MBTD1: variants seen among roughly 807,000 people sequenced by gnomAD.
The protein encoded by MBTD1 is mbt domain containing 1.
Under a neutral mutation model 87.8 loss-of-function variants are expected in MBTD1, and 24 were observed. The observed-to-expected ratio is 0.27, with a 90% CI of 0.20 to 0.38. The LOEUF (loss-of-function observed/expected upper bound fraction) is 0.38. Among genes scored for constraint, MBTD1 ranks in the 10% least tolerant of loss-of-function variants. The pLI is 1.00. For missense variants in MBTD1, 436 were observed against 760.2 expected (o/e 0.57, Z 5.02); for synonymous variants, 237 against 248.6 (o/e 0.95, Z 0.44).
chr17:51,241,649 C>T (rs1251937239), intron 2 of MBTD1, among the ~76,000 whole-genome samples: 2 of 152,096 alleles, frequency 1.3e-5, no homozygotes, highest in Non-Finnish European at 2.9e-5. Context: ...CTGCAACCTC[C>T]ACCTCCCGGG....
chr17:51,227,813 G>A (rs956428632), intron 2 of MBTD1, among the ~76,000 whole-genome samples: 3 of 151,826 alleles, frequency 2.0e-5, no homozygotes, highest in African/African-American at 7.3e-5. Flanking sequence ...TTAGCCGAGC[G>A]TGGTGGTGCA....
At chr17:51,241,075 T>G (rs1195545557) in intron 2 of MBTD1, among the ~76,000 whole-genome samples, 1 of 151,542 alleles carries the variant, frequency 6.6e-6, no homozygotes, top group African/African-American at 2.4e-5. Context: ...ACCTCTAGGG[T>G]TCAAGCAATC....
At position 51,217,395 on chromosome 17, in the gene MBTD1, C is replaced by A; in HGVS notation, c.425G>T (p.Ser142Ile). The change falls in exon 6 of 17, where the codon AGC (serine) becomes ATC (isoleucine). Residue 142 changes from serine (S) to isoleucine (I), a missense_variant. By Grantham distance (142) the Ser-to-Ile change is moderately radical. This residue lies in a region of MBTD1 where 268 missense variants were observed against 401.8 expected (regional missense o/e 0.67). Transcript: ENST00000586178. ...ATTGCTATTGATGTAGTTACCCCAGCTGAAACCTTCCATGGAGACTGCTAA... is the reference window on the plus strand; with the variant it reads ...ATTGCTATTGATGTAGTTACCCCAGATGAAACCTTCCATGGAGACTGCTAA... Reference protein sequence around the residue: ...TKAAVSMEGFSWGNYINSNSF... With the variant: ...TKAAVSMEGFIWGNYINSNSF... The A allele has an allele frequency of 6.5e-7, 1 of 1,531,660 alleles. No homozygotes were observed. The highest frequency in any genetic ancestry group is 8.8e-7 in the Non-Finnish European group (1 of 1,136,858). The allele number at this position is 1,531,660 out of a possible 1,614,324, so 94.9% of individuals were successfully genotyped here.
chr17:51,210,449 A>G (rs966089586), intron 6 of MBTD1, among the ~76,000 whole-genome samples: 1 of 152,076 alleles, frequency 6.6e-6, no homozygotes, highest in Admixed American at 6.6e-5. Context: ...AAAGATAGGA[A>G]GCACTGGTTA....
rs1202317425 is a variant in MBTD1 at position 51,179,970 on chromosome 17, A to C, written c.*606T>G. 2.0e-5 allele frequency: 3 copies of C among 152,162 alleles called. No individual in the cohort carries two copies. Among genetic ancestry groups the C allele is most frequent in the Non-Finnish European group, 4.4e-5 (3 of 68,026 alleles). The allele number at this position is 152,162 out of a possible 1,614,324, so 9.4% of individuals were successfully genotyped here. A position where few individuals can be genotyped will look rare whatever the true frequency, so the allele number is the denominator to read the frequency against. On this transcript the variant is annotated 3_prime_UTR_variant, in exon 17 of 17. Coordinates refer to ENST00000586178, the MANE Select transcript of MBTD1 (RefSeq NM_017643.3). ...CCAGTTTCATACAGAACTCCAAATA[A>C]ATTTTCACAGAATGAAAAATATTTC... is the stretch of plus-strand genomic sequence containing the variant.
At chr17:51,260,843 G>A (rs1411083536), upstream of MBTD1, 4 of 1,600,046 alleles carry the variant, frequency 2.5e-6, no homozygotes, top group South Asian at 1.1e-5. Flanking sequence ...CAAACCGGCC[G>A]TGGAGCGGTG....
At position 51,179,524 on chromosome 17, in the gene MBTD1, A is replaced by ATTTATATT. The variant is rs1454139467; in HGVS notation, c.*1051_*1052insAATATAAA. Reference sequence around the variant, plus strand: ...TATATATATATATATATATATATATATATATATATATATGGAATTTTAAGA... The same window carrying ATTTATATT: ...TATATATATATATATATATATATATATTTATATTTATATATATATATGGAATTTTAAGA... On this transcript the variant is annotated 3_prime_UTR_variant, in exon 17 of 17. Coordinates refer to ENST00000586178, the MANE Select transcript of MBTD1 (RefSeq NM_017643.3). 1.9e-5 allele frequency: 2 copies of ATTTATATT among 107,990 alleles called. No homozygotes were observed. Among genetic ancestry groups the ATTTATATT allele is most frequent in the African/African-American group, 6.4e-5 (2 of 31,226 alleles). 6.7% of individuals were successfully genotyped at this position (107,990 alleles called of 1,614,324 possible).
chr17:51,179,504 A>ATATATATTTATATT lies in MBTD1; in HGVS notation c.*1071_*1072insAATATAAATATATA, dbSNP rs2050218132. On this transcript the variant is annotated 3_prime_UTR_variant, in exon 17 of 17. Transcript: ENST00000586178. The stretch of plus-strand genomic sequence containing the variant: ...CAATTTTATATATATATATATATAT[A>ATATATATTTATATT]TATATATATATATATATATATATAT... 1.2e-5 allele frequency: 1 copy of ATATATATTTATATT among 80,220 alleles called. No individual in the cohort carries two copies. The highest frequency in any genetic ancestry group is 4.9e-5 in the African/African-American group (1 of 20,496). 5.0% of individuals were successfully genotyped at this position (80,220 alleles called of 1,614,324 possible).
intron 16 of MBTD1, among the ~76,000 whole-genome samples, chr17:51,188,817 T>C (rs1241872191): frequency 6.9e-6 from 1 of 144,856 alleles, no homozygotes; most frequent in Non-Finnish European, 1.5e-5. Flanking sequence ...TGGAGTGCAA[T>C]GGCGCGATCT....
chr17:51,207,134 C>A (rs2051890189), intron 6 of MBTD1, 129 bp from the exon 7 acceptor site: 6 of 524,282 alleles, frequency 1.1e-5, no homozygotes, highest in Non-Finnish European at 1.7e-5. Context: ...CCGTTTGTTT[C>A]CTAGAATTCT....
At chr17:51,238,845 A>T (rs552172774) in intron 2 of MBTD1, among the ~76,000 whole-genome samples, 1 of 152,336 alleles carries the variant, frequency 6.6e-6, no homozygotes, top group South Asian at 2.1e-4. Context: ...CATGCCTGTA[A>T]TCCCAGAACT....
chr17:51,187,092 T>C (rs2050572426), intron 16 of MBTD1, among the ~76,000 whole-genome samples: 1 of 152,104 alleles, frequency 6.6e-6, no homozygotes, highest in African/African-American at 2.4e-5. Flanking sequence ...CAAAGCTTAT[T>C]GCCTGTAAAT....
rs191670532 is a variant in MBTD1 at position 51,191,846 on chromosome 17, G to A, written c.1768+357C>T. On this transcript the variant is annotated intron_variant, in intron 16 of 16. Coordinates refer to ENST00000586178, the MANE Select transcript of MBTD1 (RefSeq NM_017643.3). ...TCTGCCAGCCTCGGCCTCCTAAAGT[G>A]CTGGGATTACAGGCGTGAGCCACTG... 10 of 205,608 alleles carry A rather than the reference G, an allele frequency of 4.9e-5. No individual in the cohort carries two copies. In the East Asian group the frequency reaches 1.7e-3, roughly 34 times the overall value. The allele number at this position is 205,608 out of a possible 1,614,324, so 12.7% of individuals were successfully genotyped here. A position where few individuals can be genotyped will look rare whatever the true frequency, so the allele number is the denominator to read the frequency against.
intron 7 of MBTD1, among the ~76,000 whole-genome samples, chr17:51,204,444 A>G (rs914264076): frequency 1.4e-5 from 2 of 144,450 alleles, no homozygotes; most frequent in African/African-American, 2.5e-5. Context: ...TTTATGTATA[A>G]GCATATAAAC....
At chr17:51,193,157 A>ATTT (rs1263927465) in intron 14 of MBTD1, 141 bp from the exon 15 acceptor site, 2 of 661,364 alleles carry the variant, frequency 3.0e-6, no homozygotes, top group African/African-American at 1.8e-5. Flanking sequence ...TTCTTTAACT[A>ATTT]TTTAAACATA....
At chr17:51,239,137 AAAC>A (rs2054020646) in intron 2 of MBTD1, among the ~76,000 whole-genome samples, 1 of 152,138 alleles carries the variant, frequency 6.6e-6, no homozygotes, top group African/African-American at 2.4e-5. Flanking sequence ...ATAAGCGTGA[AAAC>A]AACATGGCCC....
At chr17:51,245,464 T>G (rs1177740029) in intron 2 of MBTD1, among the ~76,000 whole-genome samples, 1 of 152,164 alleles carries the variant, frequency 6.6e-6, no homozygotes, top group Non-Finnish European at 1.5e-5. Context: ...TGAAGCATGG[T>G]ACAGAAAAAT....
At chr17:51,215,236 G>T (rs2052497369) in intron 6 of MBTD1, among the ~76,000 whole-genome samples, 1 of 152,170 alleles carries the variant, frequency 6.6e-6, no homozygotes, top group Non-Finnish European at 1.5e-5. Context: ...AAGGTTAGCT[G>T]CTTGATTCCC....
rs2050172757 is a variant in MBTD1 at position 51,178,395 on chromosome 17, A to G, written c.*2181T>C. The G allele has an allele frequency of 6.6e-6, 1 of 152,214 alleles. No homozygotes were observed. Among genetic ancestry groups the G allele is most frequent in the Non-Finnish European group, 1.5e-5 (1 of 68,052 alleles). 9.4% of individuals were successfully genotyped at this position (152,214 alleles called of 1,614,324 possible). ...AAAACACTCAGAGCCTGGGTTTGCT[A>G]TAGAATTGGAAGCTTATGAAACCTG... On this transcript the variant is annotated 3_prime_UTR_variant, in exon 17 of 17. Coordinates refer to ENST00000586178, the MANE Select transcript of MBTD1 (RefSeq NM_017643.3).
Sources: allele counts gnomAD v4.1 joint callset (sites outside exome capture counted in the v4.1 genomes callset), GRCh38; gene constraint gnomAD v4.1.1; regional missense constraint gnomAD v4.1.1; transcripts MANE v1.5; gene names NCBI Gene and HGNC (gene_info 2026-07-23, HGNC 2026-07-21).